Variants in ACYP2 observed in about 807,000 individuals in gnomAD.
ACYP2 encodes the protein acylphosphatase 2, also known as acylphosphatase-2.
A neutral mutation model predicts 11.2 loss-of-function variants in ACYP2; 12 were observed. The ratio of observed to expected loss-of-function variants is 1.08; its 90% CI spans 0.69 to 1.74. The LOEUF is 1.74. ACYP2 is among the 40% of genes most tolerant of loss of function. ACYP2 has a pLI of 0.00. For synonymous variants in ACYP2, 43 were observed against 32.2 expected (o/e 1.33, Z -1.13); for missense variants, 134 against 101.9 (o/e 1.31, Z -1.35).
chr2:54,172,812 C>T (rs1683273068), intron 6 of ACYP2, among the ~76,000 whole-genome samples: 1 of 152,030 alleles, frequency 6.6e-6, no homozygotes, highest in Non-Finnish European at 1.5e-5. Flanking sequence ...TTTTCTGTTC[C>T]TGTGATAGTT....
intron 4 of ACYP2, among the ~76,000 whole-genome samples, chr2:54,094,780 C>G (rs181792444): frequency 1.6e-3 from 235 of 148,604 alleles, no homozygotes; most frequent in African/African-American, 5.6e-3. Flanking sequence ...TCAAGTGATC[C>G]GCCCACCTCA....
Position 54,175,296 on chromosome 2 carries a change from A to G in ACYP2, c.404+36548A>G, listed in dbSNP as rs570464980. Among the ~76,000 whole-genome samples, 43 of 152,240 alleles carry G rather than the reference A, an allele frequency of 2.8e-4. 1 individual carries two copies. The highest frequency in any genetic ancestry group is 1.9e-3 in the South Asian group (9 of 4,818). The stretch of plus-strand genomic sequence containing the variant: ...GTCGAGGAATTTATCCATTTCTTCT[A>G]TATTTTCTAGTTTATTTGCATAGAG... On this transcript the variant is annotated intron_variant, in intron 6 of 6. Coordinates refer to ENST00000607452, the MANE Select transcript of ACYP2 (RefSeq NM_001320586.2).
At chr2:54,023,945 A>G (rs1316566556) in intron 2 of ACYP2, among the ~76,000 whole-genome samples, 2 of 152,202 alleles carry the variant, frequency 1.3e-5, no homozygotes, top group Non-Finnish European at 2.9e-5. Flanking sequence ...TCATTCTAGG[A>G]AGCCAGTATC....
intron 2 of ACYP2, among the ~76,000 whole-genome samples, chr2:54,019,265 T>A (rs1673866075): frequency 2.0e-5 from 3 of 151,850 alleles, no homozygotes; most frequent in Admixed American, 1.3e-4. Context: ...GAGATGTGTG[T>A]CTCCCTATGT....
intron 2 of ACYP2, among the ~76,000 whole-genome samples, chr2:54,000,028 T>C (rs1349639246): frequency 1.3e-5 from 2 of 152,128 alleles, no homozygotes; most frequent in Non-Finnish European, 2.9e-5. Context: ...TTGGGATTTT[T>C]TTTAAGCAGT....
At chr2:54,285,649 G>A (rs984703290) in intron 6 of ACYP2, among the ~76,000 whole-genome samples, 3 of 152,180 alleles carry the variant, frequency 2.0e-5, no homozygotes, top group African/African-American at 7.2e-5. Flanking sequence ...TGGGCACACA[G>A]CCACTCAGAA....
At chr2:54,137,531 A>G (rs565526396) in intron 5 of ACYP2, among the ~76,000 whole-genome samples, 1 of 151,744 alleles carries the variant, frequency 6.6e-6, no homozygotes, top group South Asian at 2.1e-4. Context: ...AGAACATGCA[A>G]TATTTGGTTT....
chr2:54,234,607 A>T (rs12618994), intron 6 of ACYP2, among the ~76,000 whole-genome samples: 1 of 152,294 alleles, frequency 6.6e-6, no homozygotes, highest in African/African-American at 2.4e-5. Context: ...AGCTGAACCA[A>T]TTGAGATGTC....
At chr2:54,011,075 T>C (rs1212349016) in intron 2 of ACYP2, among the ~76,000 whole-genome samples, 1 of 152,190 alleles carries the variant, frequency 6.6e-6, no homozygotes, top group Non-Finnish European at 1.5e-5. Context: ...TCTTGGCTAG[T>C]TGTAACAAAG....
intron 6 of ACYP2, among the ~76,000 whole-genome samples, chr2:54,211,312 T>A (rs1558616386): frequency 6.6e-6 from 1 of 152,350 alleles, no homozygotes; most frequent in South Asian, 2.1e-4. Context: ...AAAACCAAAT[T>A]TCTATGCATT....
At chr2:54,025,395 A>C (rs1674229353) in intron 2 of ACYP2, among the ~76,000 whole-genome samples, 1 of 152,216 alleles carries the variant, frequency 6.6e-6, no homozygotes. Context: ...ATAGACCAGC[A>C]GAACAGAATA....
intron 2 of ACYP2, among the ~76,000 whole-genome samples, chr2:53,976,417 G>A (rs1034136524): frequency 2.0e-5 from 3 of 152,020 alleles, no homozygotes; most frequent in Non-Finnish European, 4.4e-5. Context: ...GTGTTGCCCG[G>A]GCAGGTCTTG....
At chr2:54,018,666 A>G (rs985036305) in intron 2 of ACYP2, among the ~76,000 whole-genome samples, 1 of 152,160 alleles carries the variant, frequency 6.6e-6, no homozygotes, top group Admixed American at 6.5e-5. Flanking sequence ...AAATAAGTAG[A>G]AATAAAATAC....
At chr2:54,178,647 C>T (rs930727206) in intron 6 of ACYP2, among the ~76,000 whole-genome samples, 2 of 152,040 alleles carry the variant, frequency 1.3e-5, no homozygotes, top group African/African-American at 4.8e-5. Flanking sequence ...GCTTGGTGGC[C>T]CTTTTATATC....
At chr2:54,087,688 A>G (rs2103675612) in intron 4 of ACYP2, among the ~76,000 whole-genome samples, 1 of 152,192 alleles carries the variant, frequency 6.6e-6, no homozygotes, top group South Asian at 2.1e-4. Flanking sequence ...CTCCTTCTTC[A>G]TTATTGCCCC....
At chr2:54,100,640 G>T (rs2103700861) in intron 4 of ACYP2, among the ~76,000 whole-genome samples, 1 of 151,932 alleles carries the variant, frequency 6.6e-6, no homozygotes, top group East Asian at 1.9e-4. Flanking sequence ...TCTACCAATT[G>T]TACAAAATCA....
intron 6 of ACYP2, among the ~76,000 whole-genome samples, chr2:54,155,519 T>G (rs1265664610): frequency 6.6e-6 from 1 of 152,188 alleles, no homozygotes; most frequent in Non-Finnish European, 1.5e-5. Context: ...AGTGGCAGCA[T>G]TAGAGTCTTA....
chr2:54,138,800 T>C, intron 6 of ACYP2, 52 bp downstream of exon 3: 1 of 1,491,878 alleles, frequency 6.7e-7, no homozygotes, highest in Non-Finnish European at 9.2e-7. Flanking sequence ...GCTGCTGTTT[T>C]TTAGTTTTTT....
At chr2:54,130,016 A>G (rs1351046337) in intron 4 of ACYP2, among the ~76,000 whole-genome samples, 2 of 151,932 alleles carry the variant, frequency 1.3e-5, no homozygotes, top group African/African-American at 4.8e-5. Context: ...TCATTTATTC[A>G]ACAACCATGT....
Sources: gnomAD v4.1 joint callset for allele counts (sites outside exome capture counted in the v4.1 genomes callset) on GRCh38, gnomAD v4.1.1 for gene constraint, MANE v1.5 for transcripts, NCBI Gene and HGNC (gene_info 2026-07-23, HGNC 2026-07-21) for gene names.